Variants in CFAP54 observed in about 807,000 individuals in gnomAD.
CFAP54 encodes cilia- and flagella-associated protein 54.
CFAP54 carries 290 observed loss-of-function variants against 370.4 expected under a neutral mutation model. The observed-to-expected ratio is 0.78, with a 90% CI of 0.71 to 0.86. CFAP54 has a LOEUF of 0.86. Among genes scored for constraint, CFAP54 ranks in the 40% least tolerant of loss-of-function variants. CFAP54 has a pLI of 0.00. For missense variants in CFAP54, 3,399 were observed against 3,528.7 expected (o/e 0.96, Z 0.93); for synonymous variants, 1,206 against 1,236.5 (o/e 0.98, Z 0.52).
intron 40 of CFAP54, among the ~76,000 whole-genome samples, chr12:96,683,235 G>T (rs1196469748): frequency 6.6e-6 from 1 of 152,186 alleles, no homozygotes. Context: ...GGCATTAGAA[G>T]CTGTAAAGAA....
At chr12:96,608,073 A>G (rs1227174272) in intron 26 of CFAP54, among the ~76,000 whole-genome samples, 2 of 152,192 alleles carry the variant, frequency 1.3e-5, no homozygotes, top group Non-Finnish European at 2.9e-5. Context: ...GAATAATGGG[A>G]GCAATGAATC....
chr12:96,804,666 A>G (rs1034732929), intron 63 of CFAP54, among the ~76,000 whole-genome samples: 1 of 152,140 alleles, frequency 6.6e-6, no homozygotes, highest in Admixed American at 6.5e-5. Context: ...GCGAGCATCA[A>G]TATTACTAAA....
rs756543985 is a variant in CFAP54 at position 96,641,342 on chromosome 12, A to G, written c.4317-2836A>G. On this transcript the variant is annotated intron_variant, in intron 32 of 67. Coordinates refer to ENST00000524981, the MANE Select transcript of CFAP54 (RefSeq NM_001306084.2). ...ACATGAAAAAATGCTCATCATCACT[A>G]GCCATCAGAGAAATGCAAATCAAAA... 7.8e-3 allele frequency among the ~76,000 whole-genome samples: 1,191 copies of G among 152,268 alleles called. 12 individuals are homozygous for G. Among genetic ancestry groups the G allele is most frequent in the Middle Eastern group, 0.02 (6 of 294 alleles).
intron 27 of CFAP54, among the ~76,000 whole-genome samples, chr12:96,622,729 C>G (rs1956512737): frequency 1.3e-5 from 2 of 152,136 alleles, no homozygotes; most frequent in Admixed American, 1.3e-4. Flanking sequence ...ACTCTCATCC[C>G]TGACTCTGTC....
At chr12:96,737,010 T>C (rs999248048) in intron 50 of CFAP54, among the ~76,000 whole-genome samples, 1 of 152,216 alleles carries the variant, frequency 6.6e-6, no homozygotes, top group African/African-American at 2.4e-5. Context: ...TGTCTTCATT[T>C]TCTAATCTGG....
chr12:96,557,054 C>T (rs1365380939), intron 17 of CFAP54, among the ~76,000 whole-genome samples: 4 of 152,058 alleles, frequency 2.6e-5, no homozygotes, highest in Admixed American at 1.3e-4. Flanking sequence ...GAACTTAAAG[C>T]GAAAGTTAAA....
At chr12:96,830,313 A>C (rs1959166812) in intron 66 of CFAP54, among the ~76,000 whole-genome samples, 1 of 152,158 alleles carries the variant, frequency 6.6e-6, no homozygotes, top group African/African-American at 2.4e-5. Flanking sequence ...TTATACTACC[A>C]CCAACAATGC....
At chr12:96,668,392 G>A (rs1297566882) in intron 39 of CFAP54, among the ~76,000 whole-genome samples, 1 of 152,200 alleles carries the variant, frequency 6.6e-6, no homozygotes, top group East Asian at 1.9e-4. Context: ...AGCAGACTCA[G>A]TTCCACGAGG....
intron 8 of CFAP54, 103 bp downstream of exon 8, chr12:96,522,292 C>G (rs1955329378): frequency 1.3e-6 from 1 of 769,916 alleles, no homozygotes; most frequent in Non-Finnish European, 2.0e-6. Flanking sequence ...AAATTCTGCC[C>G]CCAGTTCTCT....
At chr12:96,789,911 C>T (rs1958670274) in intron 62 of CFAP54, among the ~76,000 whole-genome samples, 1 of 152,150 alleles carries the variant, frequency 6.6e-6, no homozygotes, top group African/African-American at 2.4e-5. Flanking sequence ...CATATATAAA[C>T]TCCAAGCTTG....
chr12:96,638,259 A>AT (rs201366019), intron 32 of CFAP54, among the ~76,000 whole-genome samples: 3 of 115,708 alleles, frequency 2.6e-5, no homozygotes, highest in East Asian at 2.3e-4. Context: ...ATATATATTT[A>AT]TTTTTTTTTG....
At position 96,777,945 on chromosome 12, in the gene CFAP54, T is replaced by C. The variant is rs529752980; in HGVS notation, c.8282-6772T>C. ...ACTGTTAGACAAATATAAGCAAAACTGCAAGTCTAGCCACATCTGTAAATT... is the reference window on the plus strand; with the variant it reads ...ACTGTTAGACAAATATAAGCAAAACCGCAAGTCTAGCCACATCTGTAAATT... On this transcript the variant is annotated intron_variant, in intron 60 of 67. Coordinates refer to ENST00000524981, the MANE Select transcript of CFAP54 (RefSeq NM_001306084.2). 4.6e-5 allele frequency among the ~76,000 whole-genome samples: 7 copies of C among 152,322 alleles called. No homozygotes were observed. The East Asian group carries it at 5.8e-4, about 13-fold the overall frequency.
At chr12:96,643,732 T>C (rs1956759766) in intron 32 of CFAP54, among the ~76,000 whole-genome samples, 1 of 152,216 alleles carries the variant, frequency 6.6e-6, no homozygotes. Context: ...TGATGTTTTA[T>C]TTCCTCTAGA....
chr12:96,634,046 CTT>C (rs71437232), intron 32 of CFAP54, among the ~76,000 whole-genome samples: 77 of 56,872 alleles, frequency 1.4e-3, no homozygotes, highest in African/African-American at 2.1e-3. Context: ...TAGCGAACAT[CTT>C]TTTTTTTTTT....
At chr12:96,839,727 TG>T (rs1013216211) in intron 66 of CFAP54, among the ~76,000 whole-genome samples, 1 of 152,264 alleles carries the variant, frequency 6.6e-6, no homozygotes, top group East Asian at 1.9e-4. Flanking sequence ...ACTAGAAAGT[TG>T]GGGATGATTC....
intron 67 of CFAP54, among the ~76,000 whole-genome samples, chr12:96,868,417 CT>C (rs1206395927): frequency 7.0e-6 from 1 of 141,986 alleles, no homozygotes. Flanking sequence ...CAATTTTTTA[CT>C]TGTATGTTCA....
chr12:96,712,877 G>T (rs1957629965), intron 48 of CFAP54, among the ~76,000 whole-genome samples: 1 of 152,120 alleles, frequency 6.6e-6, no homozygotes, highest in Admixed American at 6.5e-5. Flanking sequence ...GTAGGCAAAA[G>T]ACCTGGATAG....
intron 66 of CFAP54, among the ~76,000 whole-genome samples, chr12:96,846,179 A>G (rs896233723): frequency 6.6e-6 from 1 of 152,256 alleles, no homozygotes; most frequent in Admixed American, 6.5e-5. Context: ...ACATCTAATC[A>G]CAGAGAATGA....
chr12:96,507,110 A>G lies in CFAP54; in HGVS notation c.739+11A>G, dbSNP rs1955110859. On this transcript the variant is annotated intron_variant, in intron 4 of 67. Coordinates refer to ENST00000524981, the MANE Select transcript of CFAP54 (RefSeq NM_001306084.2). ...GGATTATCTTCAATGGTATATGCTGATGTATTTTATTTTCCATTGTGTCTT... is the reference window on the plus strand; with the variant it reads ...GGATTATCTTCAATGGTATATGCTGGTGTATTTTATTTTCCATTGTGTCTT... The G allele has an allele frequency of 6.8e-7, 1 of 1,474,860 alleles. No individual in the cohort carries two copies. The highest frequency in any genetic ancestry group is 1.7e-4 in the Middle Eastern group (1 of 5,796). The allele number at this position is 1,474,860 out of a possible 1,614,324, so 91.4% of individuals were successfully genotyped here.
Sources: gnomAD v4.1 joint callset for allele counts (sites outside exome capture counted in the v4.1 genomes callset) on GRCh38, gnomAD v4.1.1 for gene constraint, MANE v1.5 for transcripts, NCBI Gene and HGNC (gene_info 2026-07-23, HGNC 2026-07-21) for gene names.